KLC2: variants seen among roughly 807,000 people sequenced by gnomAD.
KLC2 encodes the protein KLC 2.
A neutral mutation model predicts 75.1 loss-of-function variants in KLC2; 35 were observed. The ratio of observed to expected loss-of-function variants is 0.47; its 90% confidence interval spans 0.36 to 0.62. The LOEUF (loss-of-function observed/expected upper bound fraction) is 0.62, where lower values mean the gene tolerates loss of function less well. Ranked by LOEUF, KLC2 falls within the 20% of genes least tolerant of loss-of-function variation. The pLI, the probability that KLC2 is intolerant of heterozygous loss-of-function variation, is 0.00. For missense variants in KLC2, 611 were observed against 833.2 expected (o/e 0.73, Z 3.28); for synonymous variants, 314 against 336.7 (o/e 0.93, Z 0.74).
chr11:66,254,446 G>A (rs193194014), upstream of KLC2, among the ~76,000 whole-genome samples: 2 of 151,636 alleles, frequency 1.3e-5, no homozygotes, highest in Admixed American at 1.3e-4. Context: ...TGGGATGATC[G>A]CTTGATCCCA....
the KLC2 span, among the ~76,000 whole-genome samples, chr11:66,248,078 G>A: frequency 2.0e-5 from 3 of 152,150 alleles, no homozygotes; most frequent in Admixed American, 6.5e-5. Context: ...CCCAAGGTCC[G>A]CCAGAGACTA....
chr11:66,265,381 C>G (rs1856751297), intron 11 of KLC2, 146 bp downstream of exon 11: 2 of 750,428 alleles, frequency 2.7e-6, no homozygotes. Flanking sequence ...GGCTCTGTCT[C>G]CCAATTCTCA....
chr11:66,258,503 C>T (rs1359719671), intron 1 of KLC2, 81 bp from the exon 2 acceptor site: 1 of 931,232 alleles, frequency 1.1e-6, no homozygotes, highest in East Asian at 2.4e-5. Flanking sequence ...CGTCCGGGGA[C>T]CGCCTGTTTA....
At chr11:66,253,970 G>A (rs199900001), upstream of KLC2, among the ~76,000 whole-genome samples, 6 of 152,352 alleles carry the variant, frequency 3.9e-5, no homozygotes, top group East Asian at 1.2e-3. Context: ...GTGCTCCTTG[G>A]CCGGGCGCAG....
At position 66,267,711 on chromosome 11, in the gene KLC2, A is replaced by C. The variant is rs1159293178; in HGVS notation, c.*755A>C. ...CGCCCCGGGCACCGCCCACCGAGCC[A>C]TCCTGCCTCGCCTCCCCCCACGCCT... On this transcript the variant is annotated 3_prime_UTR_variant, in exon 16 of 16. Coordinates refer to ENST00000394067, the MANE Select transcript of KLC2 (RefSeq NM_001318734.2). 1 of 423,954 alleles carries C rather than the reference A, an allele frequency of 2.4e-6. No homozygotes were observed. Among genetic ancestry groups the C allele is most frequent in the African/African-American group, 2.2e-5 (1 of 44,994 alleles). The allele number at this position is 423,954 out of a possible 1,614,324, so 26.3% of individuals were successfully genotyped here. A position where few individuals can be genotyped will look rare whatever the true frequency, so the allele number is the denominator to read the frequency against.
Position 66,264,184 on chromosome 11 carries a change from G to A in KLC2, c.1081G>A (p.Asp361Asn), listed in dbSNP as rs372247989. Residue 361 changes from aspartate (D) to asparagine (N), a missense_variant, in exon 8 of 16, where the codon GAT becomes AAT. Asp to Asn is a conservative substitution (Grantham distance 23). Transcript: ENST00000394067. The stretch of plus-strand genomic sequence containing the variant: ...GATCTATGCTACACGCCTCGGGCCC[G>A]ATGACCCCAATGTGGCCAAGACCAA... ...LEIYATRLGP[D>N]DPNVAKTKNN... The A allele has an allele frequency of 5.1e-6, 8 of 1,571,122 alleles. No homozygotes were observed. The highest frequency in any genetic ancestry group is 4.7e-5 in the East Asian group (2 of 42,586).
upstream of KLC2, among the ~76,000 whole-genome samples, chr11:66,254,331 C>G (rs140300097): frequency 3.6e-3 from 547 of 151,964 alleles, 6 homozygotes; most frequent in African/African-American, 0.013. Flanking sequence ...ACAGCACTTT[C>G]AATCCAGGGC....
chr11:66,263,661 G>A lies in KLC2; in HGVS notation c.754G>A (p.Asp252Asn), dbSNP rs561254674. Reference sequence around the variant, plus strand: ...GACCATGCTCCTACCTGCTCCCAGGGATCAGAACAAGTACAAGGAGGCTGC... The same window carrying A: ...GACCATGCTCCTACCTGCTCCCAGGAATCAGAACAAGTACAAGGAGGCTGC... The part of the protein sequence containing the change: ...MLNILALVYR[D>N]QNKYKEAAHL... Residue 252 changes from aspartate (D) to asparagine (N), a missense_variant and splice_region_variant, in exon 6 of 16, where the codon GAT becomes AAT. Physicochemically the swap from Asp to Asn is conservative, Grantham distance 23. Coordinates refer to ENST00000394067, the MANE Select transcript of KLC2 (RefSeq NM_001318734.2). The A allele has an allele frequency of 3.7e-6, 6 of 1,612,630 alleles. No individual in the cohort carries two copies. Among genetic ancestry groups the A allele is most frequent in the African/African-American group, 1.3e-5 (1 of 75,010 alleles).
the KLC2 span, among the ~76,000 whole-genome samples, chr11:66,251,554 C>T: frequency 9.0e-6 from 1 of 111,308 alleles, no homozygotes; most frequent in Admixed American, 8.2e-5. Flanking sequence ...GGGCAGATCA[C>T]CTGAGGTCAG....
At chr11:66,245,657 A>C in the KLC2 span, among the ~76,000 whole-genome samples, 2 of 151,856 alleles carry the variant, frequency 1.3e-5, no homozygotes, top group Non-Finnish European at 2.9e-5. Context: ...TGGAGGTTGC[A>C]GTGAGCCGAG....
chr11:66,266,584 A>C (rs752519784), intron 15 of KLC2, 94 bp downstream of exon 15: 1 of 1,301,582 alleles, frequency 7.7e-7, no homozygotes, highest in Middle Eastern at 1.8e-4. Flanking sequence ...TTCATCCAGC[A>C]ACAGTTCCTG....
At chr11:66,263,593 A>G in intron 5 of KLC2, 67 bp from the exon 6 acceptor site, 1 of 1,083,200 alleles carries the variant, frequency 9.2e-7, no homozygotes, top group Non-Finnish European at 1.4e-6. Context: ...GACCACAGGG[A>G]TTGCAGACCA....
the KLC2 span, among the ~76,000 whole-genome samples, chr11:66,250,600 G>A: frequency 1.3e-5 from 2 of 152,084 alleles, no homozygotes; most frequent in African/African-American, 4.8e-5. Context: ...GCAGACCATC[G>A]CCACACAGCA....
chr11:66,263,304 C>T (rs1856569878), intron 5 of KLC2, among the ~76,000 whole-genome samples: 1 of 152,176 alleles, frequency 6.6e-6, no homozygotes, highest in Non-Finnish European at 1.5e-5. Flanking sequence ...TGAGTTTGCC[C>T]AAACACAAGA....
At chr11:66,251,902 A>G in the KLC2 span, among the ~76,000 whole-genome samples, 2 of 152,220 alleles carry the variant, frequency 1.3e-5, no homozygotes, top group Non-Finnish European at 2.9e-5. Flanking sequence ...GTCTGGGTAG[A>G]GCTCAGGGGA....
At chr11:66,265,097 G>A (rs762049635) in intron 10 of KLC2, 25 bp downstream of exon 10, 30 of 1,609,038 alleles carry the variant, frequency 1.9e-5, no homozygotes, top group East Asian at 8.9e-5. Context: ...CAGGCTGGGC[G>A]GTTGTCAGGG....
chr11:66,253,895 C>A (rs1329830075), upstream of KLC2, among the ~76,000 whole-genome samples: 1 of 152,198 alleles, frequency 6.6e-6, no homozygotes, highest in Non-Finnish European at 1.5e-5. Flanking sequence ...GGAACCTGCA[C>A]AAGTCACAAA....
the KLC2 span, among the ~76,000 whole-genome samples, chr11:66,248,313 G>A: frequency 2.0e-5 from 3 of 152,100 alleles, no homozygotes; most frequent in Non-Finnish European, 2.9e-5. Flanking sequence ...CGTGATGCAC[G>A]ATTATTAACT....
Position 66,265,662 on chromosome 11 carries a change from G to A in KLC2, c.1342G>A (p.Val448Ile). The A allele has an allele frequency of 3.1e-6, 5 of 1,612,672 alleles. No homozygotes were observed. Among genetic ancestry groups the A allele is most frequent in the Non-Finnish European group, 4.2e-6 (5 of 1,179,262 alleles). The change falls in exon 12 of 16, where the codon GTC becomes ATC. Residue 448 changes from valine (V) to isoleucine (I), a missense_variant. Coordinates refer to ENST00000394067, the MANE Select transcript of KLC2 (RefSeq NM_001318734.2). ...AGACTGTCCCATCCACAGCCCCACA[G>A]TCAACACCACCCTGCGCAGCTTGGG... Reference protein sequence around the residue: ...YKACKVDSPTVNTTLRSLGAL... With the variant: ...YKACKVDSPTINTTLRSLGAL...
Sources: gnomAD v4.1 joint callset for allele counts (sites outside exome capture counted in the v4.1 genomes callset) on GRCh38, gnomAD v4.1.1 for gene constraint, MANE v1.5 for transcripts, NCBI Gene and HGNC (gene_info 2026-07-23, HGNC 2026-07-21) for gene names.